The following RARB variants were observed in gnomAD, a reference collection of about 807,000 sequenced individuals.
RARB encodes the protein retinoic acid receptor beta.
RARB carries 17 observed loss-of-function variants against 51.9 expected under a neutral mutation model. That is an observed-to-expected ratio of 0.33 (90% CI 0.22 to 0.49). The LOEUF (loss-of-function observed/expected upper bound fraction) is 0.49. Among genes scored for constraint, RARB ranks in the 20% least tolerant of loss-of-function variants. RARB has a pLI of 0.99. For synonymous variants in RARB, 215 were observed against 195.4 expected (o/e 1.10, Z -0.84); for missense variants, 369 against 550.8 (o/e 0.67, Z 3.30).
chr3:25,179,072 C>T (rs1700812122), intron 5 of RARB, among the ~76,000 whole-genome samples: 1 of 152,132 alleles, frequency 6.6e-6, no homozygotes, highest in Non-Finnish European at 1.5e-5. Flanking sequence ...AAGTGCTCTC[C>T]TGTCAAAATC....
chr3:25,550,410 A>ATGCCTTGG (rs1291882246), intron 3 of RARB, among the ~76,000 whole-genome samples: 1 of 151,984 alleles, frequency 6.6e-6, no homozygotes, highest in Non-Finnish European at 1.5e-5. Flanking sequence ...GCACCAGGAG[A>ATGCCTTGG]TGCCTAGTGA....
intron 5 of RARB, among the ~76,000 whole-genome samples, chr3:25,274,891 A>C (rs1703344858): frequency 6.6e-6 from 1 of 152,112 alleles, no homozygotes. Context: ...AAGTCACATC[A>C]CCAAGCTCAA....
At chr3:25,338,174 A>T (rs1705122239) in intron 5 of RARB, among the ~76,000 whole-genome samples, 3 of 151,762 alleles carry the variant, frequency 2.0e-5, no homozygotes. Flanking sequence ...GTTTTCTGAA[A>T]CTCATGAGCT....
chr3:25,359,864 T>C (rs948013885), intron 5 of RARB, among the ~76,000 whole-genome samples: 3 of 152,196 alleles, frequency 2.0e-5, no homozygotes, highest in Non-Finnish European at 4.4e-5. Flanking sequence ...TTCTGTTCTT[T>C]TGCATTTGCT....
intron 2 of RARB, among the ~76,000 whole-genome samples, chr3:25,476,844 G>A (rs1000389126): frequency 2.6e-5 from 4 of 152,196 alleles, no homozygotes; most frequent in Non-Finnish European, 5.9e-5. Context: ...ACTCTTTCAT[G>A]AATAGTTTAC....
intron 5 of RARB, among the ~76,000 whole-genome samples, chr3:25,584,062 A>T (rs765280207): frequency 2.0e-5 from 3 of 152,030 alleles, no homozygotes; most frequent in Non-Finnish European, 4.4e-5. Context: ...ATTAGGATCA[A>T]GTCTCTCTCA....
chr3:25,204,197 C>G (rs1408842814), intron 5 of RARB, among the ~76,000 whole-genome samples: 1 of 152,140 alleles, frequency 6.6e-6, no homozygotes, highest in Non-Finnish European at 1.5e-5. Context: ...ATCATTGATA[C>G]CCTTTCTTCC....
chr3:25,354,702 T>C (rs1199647869), intron 5 of RARB, among the ~76,000 whole-genome samples: 3 of 152,092 alleles, frequency 2.0e-5, no homozygotes, highest in Admixed American at 6.6e-5. Context: ...CAGTATTTCA[T>C]CTTGCTTTTG....
chr3:24,921,222 A>C (rs145083407), intron 2 of RARB, among the ~76,000 whole-genome samples: 1 of 152,042 alleles, frequency 6.6e-6, no homozygotes, highest in African/African-American at 2.4e-5. Context: ...TCATTATTGC[A>C]CTCCAGATGT....
At chr3:25,323,952 A>G (rs796784944) in intron 5 of RARB, among the ~76,000 whole-genome samples, 7 of 152,344 alleles carry the variant, frequency 4.6e-5, no homozygotes, top group Admixed American at 1.3e-4. Flanking sequence ...CACCAAGCAC[A>G]TGAAGAAAGC....
chr3:24,906,911 C>A (rs1694880039), intron 2 of RARB, among the ~76,000 whole-genome samples: 1 of 149,678 alleles, frequency 6.7e-6, no homozygotes, highest in South Asian at 2.1e-4. Flanking sequence ...CACAAGAAAC[C>A]TGGAGGATAT....
At chr3:25,073,418 C>T (rs745617720) in intron 3 of RARB, among the ~76,000 whole-genome samples, 3 of 152,166 alleles carry the variant, frequency 2.0e-5, no homozygotes, top group Non-Finnish European at 4.4e-5. Flanking sequence ...CACCTCAGAA[C>T]ATTAGTTCTG....
intron 5 of RARB, among the ~76,000 whole-genome samples, chr3:25,261,247 C>T (rs890603402): frequency 1.3e-5 from 2 of 152,114 alleles, no homozygotes; most frequent in Non-Finnish European, 2.9e-5. Flanking sequence ...ATTGTCATCA[C>T]ATCATCTAAT....
intron 5 of RARB, among the ~76,000 whole-genome samples, chr3:25,349,858 C>T (rs1005737854): frequency 1.3e-5 from 2 of 152,160 alleles, no homozygotes; most frequent in Non-Finnish European, 2.9e-5. Flanking sequence ...CTTGGTAGGA[C>T]TCTGCTCTGT....
chr3:25,355,636 G>C (rs1705710376), intron 5 of RARB, among the ~76,000 whole-genome samples: 1 of 152,078 alleles, frequency 6.6e-6, no homozygotes, highest in Non-Finnish European at 1.5e-5. Flanking sequence ...GTTTTGAGAA[G>C]AGCTGCTTGT....
chr3:25,205,137 C>T (rs1014343838), intron 5 of RARB, among the ~76,000 whole-genome samples: 1 of 152,146 alleles, frequency 6.6e-6, no homozygotes, highest in Admixed American at 6.5e-5. Flanking sequence ...GGTGCCCCTC[C>T]CCCAGCCTCT....
chr3:24,913,477 A>G (rs1317570037), intron 2 of RARB, among the ~76,000 whole-genome samples: 1 of 149,098 alleles, frequency 6.7e-6, no homozygotes, highest in Non-Finnish European at 1.5e-5. Flanking sequence ...ATTTCTCTCA[A>G]TTCAAGGGCA....
chr3:25,041,564 C>T (rs1698115206), intron 2 of RARB, among the ~76,000 whole-genome samples: 1 of 150,792 alleles, frequency 6.6e-6, no homozygotes, highest in East Asian at 1.9e-4. Flanking sequence ...CTTGCCATGT[C>T]CTTCTACAAT....
chr3:25,347,242 G>T (rs1279961763), intron 5 of RARB, among the ~76,000 whole-genome samples: 1 of 152,162 alleles, frequency 6.6e-6, no homozygotes, highest in East Asian at 1.9e-4. Context: ...AAATTACTAA[G>T]GTGTAAGGGA....
Sources: gnomAD v4.1 joint callset for allele counts (sites outside exome capture counted in the v4.1 genomes callset) on GRCh38, gnomAD v4.1.1 for gene constraint, MANE v1.5 for transcripts, NCBI Gene and HGNC (gene_info 2026-07-23, HGNC 2026-07-21) for gene names.